NSD3: variants seen among roughly 807,000 people sequenced by gnomAD.
NSD3 encodes the protein histone-lysine N-methyltransferase NSD3.
Under a neutral mutation model 160.8 loss-of-function variants are expected in NSD3, and 24 were observed. That is an observed-to-expected ratio of 0.15 (90% CI 0.11 to 0.21). The LOEUF is 0.21. Among genes scored for constraint, NSD3 ranks in the 10% least tolerant of loss-of-function variants. The pLI is 1.00. For synonymous variants in NSD3, 520 were observed against 600.0 expected (o/e 0.87, Z 1.95); for missense variants, 1,157 against 1,735.9 (o/e 0.67, Z 5.93).
At position 38,289,401 on chromosome 8, in the gene NSD3, G is replaced by A; in HGVS notation, c.3223C>T (p.His1075Tyr). Residue 1075 changes from histidine (H) to tyrosine (Y), a missense_variant, in exon 18 of 24, where the codon CAC (histidine) becomes TAC (tyrosine). Transcript: ENST00000317025. The stretch of plus-strand genomic sequence containing the variant: ...CAGAGATAAAGACTTACTTTGATGT[G>A]TTTGTAGGGAGGGGGTTTTCTTGAG... ...KNSRKPPPYKHIKANKVIGKV... is the reference protein window; with the variant it reads ...KNSRKPPPYKYIKANKVIGKV... 6.2e-7 allele frequency: 1 copy of A among 1,612,828 alleles called. No homozygotes were observed. The highest frequency in any genetic ancestry group is 8.5e-7 in the Non-Finnish European group (1 of 1,179,470).
rs928914469 is a variant in NSD3 at position 38,272,880 on chromosome 8, T to C, written c.*2761A>G. 6.6e-6 allele frequency: 1 copy of C among 152,236 alleles called. No individual in the cohort carries two copies. Among genetic ancestry groups the C allele is most frequent in the African/African-American group, 2.4e-5 (1 of 41,458 alleles). 9.4% of individuals were successfully genotyped at this position (152,236 alleles called of 1,614,324 possible). On this transcript the variant is annotated 3_prime_UTR_variant, in exon 24 of 24. Coordinates refer to ENST00000317025, the MANE Select transcript of NSD3 (RefSeq NM_023034.2). Reference sequence around the variant, plus strand: ...TGCACACATAAAGGACAATTTTCTCTTTCTGCATCTATAATCTGCAACTTA... The same window carrying C: ...TGCACACATAAAGGACAATTTTCTCCTTCTGCATCTATAATCTGCAACTTA...
intron 1 of NSD3, among the ~76,000 whole-genome samples, chr8:38,362,574 G>A (rs568227002): frequency 2.6e-5 from 4 of 152,156 alleles, no homozygotes; most frequent in South Asian, 2.1e-4. Flanking sequence ...CTCAAAATAC[G>A]AGTGTAAGTA....
intron 15 of NSD3, among the ~76,000 whole-genome samples, chr8:38,297,201 A>G (rs1055342213): frequency 7.2e-5 from 11 of 152,214 alleles, no homozygotes; most frequent in African/African-American, 2.2e-4. Context: ...GCTAATTCCA[A>G]GTTCCCTATC....
chr8:38,304,488 T>C, intron 14 of NSD3, 99 bp downstream of exon 14: 1 of 1,215,576 alleles, frequency 8.2e-7, no homozygotes, highest in Non-Finnish European at 1.1e-6. Context: ...GAGATTCTAC[T>C]AGATGGCCTG....
chr8:38,361,847 C>A (rs1263302849), intron 1 of NSD3, among the ~76,000 whole-genome samples: 2 of 150,256 alleles, frequency 1.3e-5, no homozygotes, highest in Non-Finnish European at 3.0e-5. Flanking sequence ...GGGGGTGTGA[C>A]GACGGGGAGA....
At chr8:38,361,412 T>C (rs1810958521) in intron 1 of NSD3, among the ~76,000 whole-genome samples, 1 of 151,862 alleles carries the variant, frequency 6.6e-6, no homozygotes, top group African/African-American at 2.4e-5. Flanking sequence ...TTATAGGCAC[T>C]GCTCCCGGCC....
chr8:38,290,644 A>G lies in NSD3; in HGVS notation c.2949T>C (p.Ser983=), dbSNP rs556177841. 6.2e-7 allele frequency: 1 copy of G among 1,613,958 alleles called. No individual in the cohort carries two copies. Among genetic ancestry groups the G allele is most frequent in the African/African-American group, 1.3e-5 (1 of 75,054 alleles). The change falls in exon 17 of 24, where the codon TCT becomes TCC. Residue 983 remains serine, a synonymous_variant. Coordinates refer to ENST00000317025, the MANE Select transcript of NSD3 (RefSeq NM_023034.2). ...WWPAEICNPR[S]VPLNIQGLKH... ...TAAGGCCCTGGATGTTCAGTGGCAC[A>G]GACCTGGGGTTGCAGATCTCTGCTG...
chr8:38,281,634 C>T (rs746849898), intron 19 of NSD3, 51 bp from the exon 20 acceptor site: 1 of 1,284,556 alleles, frequency 7.8e-7, no homozygotes, highest in Non-Finnish European at 1.1e-6. Flanking sequence ...TTATATAAAG[C>T]ATTGCTTAAT....
intron 1 of NSD3, among the ~76,000 whole-genome samples, chr8:38,372,187 G>A (rs1811262065): frequency 6.6e-6 from 1 of 152,192 alleles, no homozygotes; most frequent in Non-Finnish European, 1.5e-5. Flanking sequence ...CATTTTCTAA[G>A]TAAGTCATTT....
intron 1 of NSD3, among the ~76,000 whole-genome samples, chr8:38,366,682 G>A (rs1368137651): frequency 1.3e-5 from 2 of 151,996 alleles, no homozygotes; most frequent in African/African-American, 4.8e-5. Context: ...AAAGTGCTGG[G>A]ATTACAGGTG....
chr8:38,292,476 G>A (rs1016156207), intron 16 of NSD3, among the ~76,000 whole-genome samples: 25 of 151,200 alleles, frequency 1.7e-4, no homozygotes, highest in African/African-American at 5.6e-4. Context: ...GTGAAACCCC[G>A]TCTCTAATAA....
Position 38,319,094 on chromosome 8 carries a change from G to T in NSD3, c.1810-154C>A. ...TCCCATCTTTTGGGTAAAGTTCTCT[G>T]TCTCAAGATCAGGGAGGGTTTAAAT... On this transcript the variant is annotated intron_variant, in intron 8 of 23. Transcript: ENST00000317025. The surrounding 1 kb of genome is among the most constrained non-coding windows in gnomAD (Gnocchi z 4.1). The T allele has an allele frequency of 1.5e-6, 1 of 684,700 alleles. No homozygotes were observed. Among genetic ancestry groups the T allele is most frequent in the Non-Finnish European group, 2.5e-6 (1 of 403,158 alleles). 42.4% of individuals were successfully genotyped at this position (684,700 alleles called of 1,614,324 possible).
At chr8:38,325,244 A>G (rs938269368) in intron 7 of NSD3, among the ~76,000 whole-genome samples, 4 of 152,220 alleles carry the variant, frequency 2.6e-5, no homozygotes, top group African/African-American at 9.6e-5. Flanking sequence ...TGTGAGAATC[A>G]AATTGAATCA....
intron 1 of NSD3, among the ~76,000 whole-genome samples, chr8:38,363,173 T>A (rs912020927): frequency 6.6e-6 from 1 of 152,210 alleles, no homozygotes; most frequent in East Asian, 1.9e-4. Context: ...CATCCCCTAG[T>A]ATGTGAGGGA....
intron 19 of NSD3, among the ~76,000 whole-genome samples, chr8:38,282,821 T>G (rs2130986108): frequency 6.6e-6 from 1 of 152,366 alleles, no homozygotes; most frequent in African/African-American, 2.4e-5. Context: ...GTTGTTCTTT[T>G]TAAATCTCTG....
intron 20 of NSD3, 119 bp downstream of exon 20, chr8:38,281,348 A>G: frequency 2.1e-6 from 1 of 486,630 alleles, no homozygotes; most frequent in Non-Finnish European, 3.4e-6. Flanking sequence ...TAGCTACTGC[A>G]AATCATTATG....
At chr8:38,285,852 C>G (rs1252518333) in intron 19 of NSD3, among the ~76,000 whole-genome samples, 6 of 152,202 alleles carry the variant, frequency 3.9e-5, no homozygotes, top group Admixed American at 3.9e-4. Flanking sequence ...CCACTTCCCT[C>G]CTGGCTCAAC....
chr8:38,297,378 G>A (rs900336122), intron 15 of NSD3, among the ~76,000 whole-genome samples: 1 of 152,136 alleles, frequency 6.6e-6, no homozygotes, highest in Non-Finnish European at 1.5e-5. Flanking sequence ...CACTGAAGAT[G>A]AAATATAATA....
At chr8:38,296,246 C>G (rs1369349710) in intron 15 of NSD3, among the ~76,000 whole-genome samples, 2 of 152,122 alleles carry the variant, frequency 1.3e-5, no homozygotes, top group African/African-American at 4.8e-5. Flanking sequence ...AAGCTAAACT[C>G]TTAACATATG....
Sources: allele counts gnomAD v4.1 joint callset (sites outside exome capture counted in the v4.1 genomes callset), GRCh38; gene constraint gnomAD v4.1.1; non-coding constraint Gnocchi (gnomAD v3.1); transcripts MANE v1.5; gene names NCBI Gene and HGNC (gene_info 2026-07-23, HGNC 2026-07-21).